Variants in JPH1 observed in about 807,000 individuals in gnomAD.
JPH1 encodes junctophilin 1, also known as junctophilin-1.
A neutral mutation model predicts 53.6 loss-of-function variants in JPH1; 12 were observed. The ratio of observed to expected loss-of-function variants is 0.22; its 90% CI spans 0.14 to 0.36. The LOEUF is 0.36. Among genes scored for constraint, JPH1 ranks in the 10% least tolerant of loss-of-function variants. JPH1 has a pLI of 1.00. For synonymous variants in JPH1, 375 were observed against 363.8 expected (o/e 1.03, Z -0.35); for missense variants, 808 against 905.5 (o/e 0.89, Z 1.38).
At chr8:74,273,442 TCAA>T (rs1444704339) in intron 2 of JPH1, among the ~76,000 whole-genome samples, 4 of 152,138 alleles carry the variant, frequency 2.6e-5, no homozygotes, top group Non-Finnish European at 4.4e-5. Context: ...GAAAAACTAA[TCAA>T]CAACAACGAC....
intron 4 of JPH1, among the ~76,000 whole-genome samples, chr8:74,244,092 G>A (rs934595232): frequency 1.3e-5 from 2 of 152,208 alleles, no homozygotes; most frequent in Non-Finnish European, 2.9e-5. Context: ...TAAAGATGCT[G>A]ACCGCTGTGG....
chr8:74,261,493 T>C (rs919641461), intron 2 of JPH1, among the ~76,000 whole-genome samples: 3 of 152,150 alleles, frequency 2.0e-5, no homozygotes, highest in East Asian at 1.9e-4. Context: ...TTTAGATTAT[T>C]TGTGTATGGG....
chr8:74,288,532 A>C (rs139093682), intron 2 of JPH1, among the ~76,000 whole-genome samples: 1 of 152,126 alleles, frequency 6.6e-6, no homozygotes, highest in South Asian at 2.1e-4. Flanking sequence ...TGGGAAGAGT[A>C]AGAAAATGGG....
chr8:74,259,409 G>T lies in JPH1; in HGVS notation c.1234C>A (p.Leu412Met), dbSNP rs1247716860. The stretch of plus-strand genomic sequence containing the variant: ...CCTGGTTGGTAGAAATCAGGTGACA[G>T]CTCCCTGGCCACAGCTCTCGCGATG... Reference protein sequence around the residue: ...CDIARAVARELSPDFYQPGPD... With the variant: ...CDIARAVAREMSPDFYQPGPD... Residue 412 changes from leucine (L) to methionine (M), a missense_variant, in exon 3 of 6, where the codon CTG becomes ATG. Around this residue, in one of 2 missense-constraint regions of JPH1, gnomAD observed 756 missense variants for 811.9 expected, o/e 0.93. Transcript: ENST00000342232. 1 of 1,613,836 alleles carries T rather than the reference G, an allele frequency of 6.2e-7. No individual in the cohort carries two copies. The highest frequency in any genetic ancestry group is 8.5e-7 in the Non-Finnish European group (1 of 1,179,824).
At chr8:74,283,551 T>C (rs1214792491) in intron 2 of JPH1, among the ~76,000 whole-genome samples, 2 of 152,182 alleles carry the variant, frequency 1.3e-5, no homozygotes, top group East Asian at 3.9e-4. Flanking sequence ...GGAGGAAAGA[T>C]GGGCAGAAAT....
intron 2 of JPH1, among the ~76,000 whole-genome samples, chr8:74,280,042 C>T (rs1421920009): frequency 1.3e-5 from 2 of 152,070 alleles, no homozygotes; most frequent in African/African-American, 4.8e-5. Context: ...AAAGGAGAGG[C>T]AAATATACCT....
chr8:74,277,748 C>T (rs988780314), intron 2 of JPH1, among the ~76,000 whole-genome samples: 6 of 152,146 alleles, frequency 3.9e-5, no homozygotes, highest in African/African-American at 9.7e-5. Context: ...ATCCTAACAA[C>T]AGAAAATACA....
intron 2 of JPH1, among the ~76,000 whole-genome samples, chr8:74,291,983 A>G (rs187629274): frequency 1.3e-5 from 2 of 152,294 alleles, no homozygotes; most frequent in African/African-American, 4.8e-5. Flanking sequence ...CAATGAGAAC[A>G]CTTGTACACA....
chr8:74,314,799 A>C (rs943281072), intron 2 of JPH1, 62 bp downstream of exon 2: 21 of 1,559,848 alleles, frequency 1.3e-5, no homozygotes, highest in Non-Finnish European at 1.7e-5. Context: ...AGACAAACAT[A>C]ATATTTGATA....
chr8:74,314,841 A>G lies in JPH1; in HGVS notation c.1139+20T>C. 6.2e-7 allele frequency: 1 copy of G among 1,613,102 alleles called. No homozygotes were observed. The highest frequency in any genetic ancestry group is 1.3e-5 in the African/African-American group (1 of 74,858). On this transcript the variant is annotated intron_variant, in intron 2 of 5. Transcript: ENST00000342232. ...TGTTCTGACCAACCCAGCAAAACCA[A>G]CCACCCTGCATTTACTTACCTTGAA...
Position 74,237,282 on chromosome 8 carries a change from C to T in JPH1, c.1927G>A (p.Val643Ile). Reference sequence around the variant, plus strand: ...CCGATATTCAACAGCATGACAAGGACAATCATGATTGAATTAGGGCCCTGA... The same window carrying T: ...CCGATATTCAACAGCATGACAAGGATAATCATGATTGAATTAGGGCCCTGA... Reference protein sequence around the residue: ...ANSGPNSIMIVLVMLLNIGLA... With the variant: ...ANSGPNSIMIILVMLLNIGLA... Residue 643 changes from valine (V) to isoleucine (I), a missense_variant, in exon 5 of 6, where the codon GTC becomes ATC. By Grantham distance (29) the Val-to-Ile change is conservative. Around this residue, in one of 2 missense-constraint regions of JPH1, gnomAD observed 756 missense variants for 811.9 expected, o/e 0.93. Transcript: ENST00000342232. 1 of 1,612,994 alleles carries T rather than the reference C, an allele frequency of 6.2e-7. No individual in the cohort carries two copies. Among genetic ancestry groups the T allele is most frequent in the South Asian group, 1.1e-5 (1 of 90,824 alleles).
chr8:74,321,255 G>T lies in JPH1; in HGVS notation c.33C>A (p.Gly11=), dbSNP rs777045190. The T allele has an allele frequency of 6.3e-7, 1 of 1,599,816 alleles. No individual in the cohort carries two copies. Among genetic ancestry groups the T allele is most frequent in the Non-Finnish European group, 8.5e-7 (1 of 1,173,298 alleles). ...CCTCCCAGCCGCCGCAGTAGGTGCC[G>T]CCATCGTCGAAGTCGAACCTTCCGC... MTGGRFDFDD[G]GTYCGGWEEG... is the part of the protein sequence containing the mutation. Residue 11 remains glycine (G), a synonymous_variant, in exon 1 of 6, where the codon GGC becomes GGA. Coordinates refer to ENST00000342232, the MANE Select transcript of JPH1 (RefSeq NM_020647.4). This position sits in a 1 kb window ranked among gnomAD's most constrained non-coding sequence, Gnocchi z 4.3.
intron 3 of JPH1, among the ~76,000 whole-genome samples, chr8:74,247,502 T>G (rs1042220133): frequency 7.2e-5 from 11 of 152,170 alleles, no homozygotes; most frequent in African/African-American, 2.7e-4. Flanking sequence ...CATAGAAAAA[T>G]TGCCAATATC....
intron 3 of JPH1, among the ~76,000 whole-genome samples, chr8:74,249,891 C>CTGTG (rs149624367): frequency 0.038 from 5,728 of 152,258 alleles, 336 homozygotes; most frequent in African/African-American, 0.12. Context: ...AATTGATGCA[C>CTGTG]TGTGTGTATG....
intron 3 of JPH1, among the ~76,000 whole-genome samples, chr8:74,258,815 G>C (rs1374412454): frequency 2.6e-5 from 4 of 152,150 alleles, no homozygotes; most frequent in Non-Finnish European, 5.9e-5. Flanking sequence ...AACTTTGTTG[G>C]TCATATGTAG....
At chr8:74,258,767 TA>T (rs1175993900) in intron 3 of JPH1, among the ~76,000 whole-genome samples, 43 of 152,374 alleles carry the variant, frequency 2.8e-4, no homozygotes, top group African/African-American at 9.1e-4. Context: ...TAGAATCAGA[TA>T]TTTTAGATTC....
chr8:74,258,046 T>C (rs559975994), intron 3 of JPH1, among the ~76,000 whole-genome samples: 2 of 152,306 alleles, frequency 1.3e-5, no homozygotes, highest in African/African-American at 4.8e-5. Context: ...TCTACAAATC[T>C]TGCTATTTTG....
At chr8:74,285,626 C>T (rs1416478896) in intron 2 of JPH1, among the ~76,000 whole-genome samples, 2 of 140,410 alleles carry the variant, frequency 1.4e-5, no homozygotes, top group African/African-American at 2.6e-5. Context: ...TTCTTTATCC[C>T]ACCTAGTGTG....
At chr8:74,254,827 C>T (rs1012240610) in intron 3 of JPH1, among the ~76,000 whole-genome samples, 2 of 152,012 alleles carry the variant, frequency 1.3e-5, no homozygotes, top group Non-Finnish European at 2.9e-5. Context: ...CCTAGGAATC[C>T]AACTTACAAG....
Sources: gnomAD v4.1 joint callset for allele counts (sites outside exome capture counted in the v4.1 genomes callset) on GRCh38, gnomAD v4.1.1 for gene constraint, gnomAD v4.1.1 regional missense constraint, Gnocchi (gnomAD v3.1) non-coding constraint, MANE v1.5 for transcripts, NCBI Gene and HGNC (gene_info 2026-07-23, HGNC 2026-07-21) for gene names.